MALRD1: variants seen among roughly 807,000 people sequenced by gnomAD.
MALRD1 encodes MAM and LDL-receptor class A domain-containing protein 1.
A neutral mutation model predicts 242.1 loss-of-function variants in MALRD1; 247 were observed. The observed-to-expected ratio is 1.02, with a 90% confidence interval of 0.92 to 1.13. The LOEUF (loss-of-function observed/expected upper bound fraction) is 1.13, where lower values mean the gene tolerates loss of function less well. MALRD1 is among the 50% of genes most tolerant of loss of function. The pLI is 0.00. For missense variants in MALRD1, 2,989 were observed against 2,533.1 expected, an observed-to-expected ratio of 1.18 and a Z score of -3.86; for synonymous variants, 995 against 866.6, an observed-to-expected ratio of 1.15 and a Z score of -2.60.
intron 22 of MALRD1, among the ~76,000 whole-genome samples, chr10:19,324,327 T>C (rs116430420): frequency 0.021 from 3,122 of 152,278 alleles, 57 homozygotes; most frequent in African/African-American, 0.037. Flanking sequence ...GTCTCTATGC[T>C]GAGGTTACAG....
In MALRD1 at chr10:19,280,224, G is replaced by A. The variant is rs894834321; in HGVS notation, c.3256+1G>A. The A allele has an allele frequency of 1.0e-5, 15 of 1,484,506 alleles. No homozygotes were observed. The highest frequency in any genetic ancestry group is 2.8e-5 in the African/African-American group (2 of 70,198). 92.0% of individuals were successfully genotyped at this position (1,484,506 alleles called of 1,614,324 possible). ...GACAAATCAGATGAAGCATCCTGTG[G>A]TAGGTGGATTCTTAAAATTTGTTTA... is the stretch of plus-strand genomic sequence containing the variant. On this transcript the variant is annotated splice_donor_variant, in intron 20 of 39. Coordinates refer to ENST00000454679, the MANE Select transcript of MALRD1 (RefSeq NM_001142308.3). LOFTEE classifies it high-confidence loss of function.
At position 19,443,626 on chromosome 10, in the gene MALRD1, C is replaced by T. The variant is rs551286051; in HGVS notation, c.4846-6681C>T. 1.9e-4 allele frequency among the ~76,000 whole-genome samples: 29 copies of T among 152,174 alleles called. No individual in the cohort carries two copies. The South Asian group carries it at 3.9e-3, about 21-fold the overall frequency. On this transcript the variant is annotated intron_variant, in intron 28 of 39. Transcript: ENST00000454679. ...GTTGTTCAGTTTCCATGTAGTTGAG[C>T]GGTTTTGAGTGAGTTTCTTAATCCT...
intron 28 of MALRD1, among the ~76,000 whole-genome samples, chr10:19,434,538 A>C (rs1354624536): frequency 6.6e-6 from 1 of 151,930 alleles, no homozygotes. Flanking sequence ...TCTATTACTC[A>C]ATTTTTTCCA....
intron 31 of MALRD1, among the ~76,000 whole-genome samples, chr10:19,502,973 A>G (rs1838044261): frequency 6.6e-6 from 1 of 152,168 alleles, no homozygotes; most frequent in Admixed American, 6.5e-5. Flanking sequence ...GAGCTTGTGT[A>G]TGTTCATCAA....
intron 36 of MALRD1, among the ~76,000 whole-genome samples, chr10:19,637,044 A>G (rs1840167742): frequency 6.6e-6 from 1 of 152,166 alleles, no homozygotes; most frequent in South Asian, 2.1e-4. Context: ...AAATAAAAGT[A>G]AACTTGTCAC....
At chr10:19,203,580 G>A in intron 14 of MALRD1, 148 bp from the exon 15 acceptor site, 1 of 741,770 alleles carries the variant, frequency 1.3e-6, no homozygotes, top group Non-Finnish European at 2.0e-6. Context: ...AATGAGAAAG[G>A]ATCTTTTTTA....
intron 11 of MALRD1, among the ~76,000 whole-genome samples, chr10:19,154,607 A>G (rs975535411): frequency 6.6e-6 from 1 of 152,240 alleles, no homozygotes; most frequent in African/African-American, 2.4e-5. Flanking sequence ...TAGATCTTTA[A>G]TTAAGCTTTA....
intron 2 of MALRD1, among the ~76,000 whole-genome samples, chr10:19,085,265 A>G (rs1288822048): frequency 3.9e-5 from 6 of 151,994 alleles, no homozygotes; most frequent in Admixed American, 6.6e-5. Flanking sequence ...ATAAACAGCC[A>G]TGATGAAAAA....
At chr10:19,589,354 A>G (rs898262496) in intron 33 of MALRD1, among the ~76,000 whole-genome samples, 7 of 152,160 alleles carry the variant, frequency 4.6e-5, no homozygotes, top group African/African-American at 1.7e-4. Flanking sequence ...TGAAGGAAGC[A>G]TATTTGGTGG....
intron 31 of MALRD1, among the ~76,000 whole-genome samples, chr10:19,503,813 A>G (rs1444321818): frequency 6.6e-6 from 1 of 152,216 alleles, no homozygotes; most frequent in African/African-American, 2.4e-5. Context: ...CCCCTACTAT[A>G]TTTATTGACA....
Position 19,150,218 on chromosome 10 carries a change from G to A in MALRD1, c.1558+3874G>A, listed in dbSNP as rs139582378. ...AGTTCTCTATCCAATGCCTATGTCT[G>A]TTTTTGTTTTTGTTTTTGTTTTTTT... On this transcript the variant is annotated intron_variant, in intron 11 of 39. Transcript: ENST00000454679. Among the ~76,000 whole-genome samples, 217 of 152,154 alleles carry A rather than the reference G, an allele frequency of 1.4e-3. 1 individual carries two copies. The highest frequency in any genetic ancestry group is 5.1e-3 in the African/African-American group (211 of 41,482).
In MALRD1 at chr10:19,731,419, C is replaced by CTATA. The variant is rs565973378; in HGVS notation, c.6390+639_6390+642dup. The stretch of plus-strand genomic sequence containing the variant: ...TGTTTAAGGTATACATTATATTTTA[C>CTATA]TATAGGTATACATTGTGAAGTGATT... On this transcript the variant is annotated intron_variant, in intron 39 of 39. Coordinates refer to ENST00000454679, the MANE Select transcript of MALRD1 (RefSeq NM_001142308.3). Among the ~76,000 whole-genome samples, 1,268 of 151,954 alleles carry CTATA rather than the reference C, an allele frequency of 8.3e-3. 17 individuals are homozygous for CTATA. Among genetic ancestry groups the CTATA allele is most frequent in the African/African-American group, 0.028 (1,155 of 41,408 alleles).
chr10:19,530,430 AT>A (rs1472164636), intron 31 of MALRD1, among the ~76,000 whole-genome samples: 6 of 20,534 alleles, frequency 2.9e-4, no homozygotes, highest in Non-Finnish European at 5.4e-4. Context: ...TAAATATATA[AT>A]ATATATAATA....
rs2130983492 is a variant in MALRD1, at chr10:19,440,410, A to G, written c.4846-9897A>G. On this transcript the variant is annotated intron_variant, in intron 28 of 39. Coordinates refer to ENST00000454679, the MANE Select transcript of MALRD1 (RefSeq NM_001142308.3). Reference sequence around the variant, plus strand: ...TGCACAACATACAGGTGTGTTACATATGTATACATGTGTCATGTTGGTGTG... The same window carrying G: ...TGCACAACATACAGGTGTGTTACATGTGTATACATGTGTCATGTTGGTGTG... 1.3e-5 allele frequency among the ~76,000 whole-genome samples: 2 copies of G among 152,094 alleles called. 1 individual carries two copies. Among genetic ancestry groups the G allele is most frequent in the African/African-American group, 4.8e-5 (2 of 41,502 alleles).
At chr10:19,119,598 G>A (rs1308348337) in intron 5 of MALRD1, among the ~76,000 whole-genome samples, 1 of 152,110 alleles carries the variant, frequency 6.6e-6, no homozygotes, top group Non-Finnish European at 1.5e-5. Context: ...TGACCTGGAT[G>A]GTGCCAGTTG....
chr10:19,156,108 A>AT lies in MALRD1; in HGVS notation c.1656+938dup, dbSNP rs1389374364. Among the ~76,000 whole-genome samples, 3 of 152,248 alleles carry AT rather than the reference A, an allele frequency of 2.0e-5. No individual in the cohort carries two copies. In the East Asian group the frequency reaches 5.8e-4, roughly 29 times the overall value. ...ATCAGTAGTGCCACACAGTAAATTCATTGCCTGTAAGTGTAGTGTTAGAGC... is the reference window on the plus strand; with the variant it reads ...ATCAGTAGTGCCACACAGTAAATTCATTTGCCTGTAAGTGTAGTGTTAGAGC... On this transcript the variant is annotated intron_variant, in intron 12 of 39. Coordinates refer to ENST00000454679, the MANE Select transcript of MALRD1 (RefSeq NM_001142308.3).
chr10:19,560,821 A>G (rs1239198400), intron 32 of MALRD1, among the ~76,000 whole-genome samples: 4 of 151,712 alleles, frequency 2.6e-5, no homozygotes, highest in Admixed American at 2.6e-4. Flanking sequence ...GGGGTGGGGG[A>G]TAGGGGAGGG....
chr10:19,326,192 G>A (rs1843129311), intron 22 of MALRD1, among the ~76,000 whole-genome samples: 1 of 151,980 alleles, frequency 6.6e-6, no homozygotes. Context: ...TTTTAAAAAT[G>A]TTTTCAGGCA....
chr10:19,659,902 T>C (rs911267170), intron 36 of MALRD1, among the ~76,000 whole-genome samples: 1 of 152,122 alleles, frequency 6.6e-6, no homozygotes, highest in Non-Finnish European at 1.5e-5. Flanking sequence ...GCTGAACTGG[T>C]AAATAACAGG....
Sources: allele counts gnomAD v4.1 joint callset (sites outside exome capture counted in the v4.1 genomes callset), GRCh38; gene constraint gnomAD v4.1.1; transcripts MANE v1.5; gene names NCBI Gene and HGNC (gene_info 2026-07-23, HGNC 2026-07-21).